INPP5A: variants seen among roughly 807,000 people sequenced by gnomAD.
The protein encoded by INPP5A is inositol polyphosphate-5-phosphatase A, also known as 43 kDa inositol polyphosphate 5-phophatase.
INPP5A carries 14 observed loss-of-function variants against 65.2 expected under a neutral mutation model. That is an observed-to-expected ratio of 0.21 (90% confidence interval 0.14 to 0.34). The LOEUF is 0.34. Ranked by LOEUF, INPP5A falls within the 10% of genes least tolerant of loss-of-function variation. The pLI is 1.00. For missense variants in INPP5A, 431 were observed against 545.6 expected (o/e 0.79, Z 2.09); for synonymous variants, 207 against 208.3 (o/e 0.99, Z 0.05).
At chr10:132,608,347 G>A (rs557624553) in intron 2 of INPP5A, among the ~76,000 whole-genome samples, 149 of 152,390 alleles carry the variant, frequency 9.8e-4, no homozygotes, top group African/African-American at 3.4e-3. Flanking sequence ...CGCACTCTGT[G>A]CAGAGAGTGG....
chr10:132,546,546 C>T lies in INPP5A; in HGVS notation c.75+8375C>T, dbSNP rs534408586. On this transcript the variant is annotated intron_variant, in intron 1 of 15. Coordinates refer to ENST00000368594, the MANE Select transcript of INPP5A (RefSeq NM_005539.5). The surrounding 1 kb of genome is among the most constrained non-coding windows in gnomAD (Gnocchi z 5.7). ...GCTGTGTCGGGGGGCCGTGCTCCCC[C>T]TTCTCTCTTGGAAGGTGTAAGGGCT... 4.1e-4 allele frequency among the ~76,000 whole-genome samples: 62 copies of T among 152,242 alleles called. No homozygotes were observed. Among genetic ancestry groups the T allele is most frequent in the African/African-American group, 1.3e-3 (53 of 41,552 alleles).
At chr10:132,619,290 C>T (rs2072081940) in intron 2 of INPP5A, among the ~76,000 whole-genome samples, 1 of 152,144 alleles carries the variant, frequency 6.6e-6, no homozygotes, top group Non-Finnish European at 1.5e-5. Flanking sequence ...AGTTTGAAAC[C>T]CAGTAGGGCG....
intron 11 of INPP5A, among the ~76,000 whole-genome samples, chr10:132,763,564 CAA>C (rs1846771286): frequency 6.6e-6 from 1 of 152,028 alleles, no homozygotes; most frequent in Admixed American, 6.5e-5. Context: ...TGCCTGCATG[CAA>C]ACACACACAT....
intron 11 of INPP5A, among the ~76,000 whole-genome samples, chr10:132,752,526 A>C (rs1197924076): frequency 1.5e-5 from 1 of 65,000 alleles, no homozygotes; most frequent in Non-Finnish European, 3.1e-5. Flanking sequence ...GGCGTGGAGG[A>C]GGTGTGGCGT....
intron 1 of INPP5A, among the ~76,000 whole-genome samples, chr10:132,607,611 G>A (rs1176719282): frequency 6.6e-6 from 1 of 152,252 alleles, no homozygotes; most frequent in Non-Finnish European, 1.5e-5. Flanking sequence ...GGAGGCTGGA[G>A]CAACACAGAG....
intron 9 of INPP5A, among the ~76,000 whole-genome samples, chr10:132,737,706 G>A (rs1028875269): frequency 5.3e-5 from 8 of 152,328 alleles, no homozygotes; most frequent in Admixed American, 1.3e-4. Flanking sequence ...CGTGCTGCTC[G>A]GTTCACTCAC....
chr10:132,645,350 C>G (rs1160653846), intron 2 of INPP5A, among the ~76,000 whole-genome samples: 1 of 152,136 alleles, frequency 6.6e-6, no homozygotes, highest in Admixed American at 6.5e-5. Flanking sequence ...CGGCGGAGTG[C>G]CTGGCTCCTA....
Position 132,575,127 on chromosome 10 carries a change from A to G in INPP5A, c.76-32788A>G, listed in dbSNP as rs368389279. ...ACAGGTGACAGGTGACCCAGCCTTC[A>G]GGCTCCCTGTCCAGCCGCTGGGACT... On this transcript the variant is annotated intron_variant, in intron 1 of 15. Transcript: ENST00000368594. This position sits in a 1 kb window ranked among gnomAD's most constrained non-coding sequence, Gnocchi z 5.4. 2.6e-5 allele frequency among the ~76,000 whole-genome samples: 4 copies of G among 152,196 alleles called. No individual in the cohort carries two copies. The East Asian group carries it at 5.8e-4, about 22-fold the overall frequency.
intron 4 of INPP5A, among the ~76,000 whole-genome samples, chr10:132,689,003 G>T (rs1845206938): frequency 6.6e-6 from 1 of 152,130 alleles, no homozygotes; most frequent in African/African-American, 2.4e-5. Context: ...GTGAGTGCCT[G>T]TGAGTGCTTG....
intron 12 of INPP5A, among the ~76,000 whole-genome samples, chr10:132,770,611 C>CT (rs1400014953): frequency 6.6e-6 from 1 of 152,270 alleles, no homozygotes; most frequent in African/African-American, 2.4e-5. Flanking sequence ...CTTCCAGCTA[C>CT]TGAGGACCCT....
chr10:132,761,426 C>T (rs1248086797), intron 11 of INPP5A, among the ~76,000 whole-genome samples: 5 of 152,200 alleles, frequency 3.3e-5, no homozygotes. Context: ...AGACACATCC[C>T]TGCCATGGAG....
At chr10:132,691,391 T>C (rs995958877) in intron 5 of INPP5A, among the ~76,000 whole-genome samples, 3 of 152,062 alleles carry the variant, frequency 2.0e-5, no homozygotes, top group African/African-American at 7.2e-5. Flanking sequence ...TCCGCTCCGT[T>C]TTGGAGACAC....
intron 2 of INPP5A, among the ~76,000 whole-genome samples, chr10:132,626,333 C>T (rs1590876934): frequency 6.6e-6 from 1 of 152,236 alleles, no homozygotes; most frequent in Admixed American, 6.5e-5. Context: ...CCGGGACACA[C>T]GCCTTCATTC....
At chr10:132,775,098 AGACAGGCAGGGAGGAGGGGCAGGGAG>A in intron 12 of INPP5A, among the ~76,000 whole-genome samples, 1 of 5,508 alleles carries the variant, frequency 1.8e-4, no homozygotes. Context: ...CAGGGAGGAG[AGACAGGCAGGGAGGAGGGGCAGGGAG>A]GAGGGGCAGG....
chr10:132,595,589 G>A (rs918368944), intron 1 of INPP5A, among the ~76,000 whole-genome samples: 1 of 152,164 alleles, frequency 6.6e-6, no homozygotes, highest in Non-Finnish European at 1.5e-5. Context: ...TGGTGAGTGT[G>A]TAGTTCAGTG....
chr10:132,712,234 C>G (rs1261785591), intron 8 of INPP5A, among the ~76,000 whole-genome samples: 1 of 151,700 alleles, frequency 6.6e-6, no homozygotes, highest in Non-Finnish European at 1.5e-5. Flanking sequence ...TGAGTGTGCA[C>G]ACCTTGTGTG....
At position 132,651,102 on chromosome 10, in the gene INPP5A, C is replaced by T. The variant is rs2072570714; in HGVS notation, c.306+597C>T. On this transcript the variant is annotated intron_variant, in intron 4 of 15. Coordinates refer to ENST00000368594, the MANE Select transcript of INPP5A (RefSeq NM_005539.5). The surrounding 1 kb of genome is among the most constrained non-coding windows in gnomAD (Gnocchi z 5.0). The stretch of plus-strand genomic sequence containing the variant: ...GGTGGACGTGGCAGCCACAGAGATA[C>T]AGGCACCAGGTGTCTGGGAAGGGGC... Among the ~76,000 whole-genome samples the T allele has an allele frequency of 6.6e-6, 1 of 152,196 alleles. No individual in the cohort carries two copies. The highest frequency in any genetic ancestry group is 1.9e-4 in the East Asian group (1 of 5,186).
intron 9 of INPP5A, among the ~76,000 whole-genome samples, chr10:132,745,765 G>C (rs1202576492): frequency 6.6e-6 from 1 of 150,440 alleles, no homozygotes; most frequent in Non-Finnish European, 1.5e-5. Context: ...CCTTGGGTAT[G>C]GTGGGCCCGG....
At position 132,602,282 on chromosome 10, in the gene INPP5A, A is replaced by G. The variant is rs144636420; in HGVS notation, c.76-5633A>G. ...AGTGTTGTTTGTGTGTTGATCTTAT[A>G]TCCTGCCACGTTGCTGAATTGCTGA... On this transcript the variant is annotated intron_variant, in intron 1 of 15. Coordinates refer to ENST00000368594, the MANE Select transcript of INPP5A (RefSeq NM_005539.5). 2.8e-3 allele frequency among the ~76,000 whole-genome samples: 422 copies of G among 152,182 alleles called. 1 individual carries two copies. The highest frequency in any genetic ancestry group is 9.5e-3 in the African/African-American group (394 of 41,522).
Sources: gnomAD v4.1 joint callset for allele counts (sites outside exome capture counted in the v4.1 genomes callset) on GRCh38, gnomAD v4.1.1 for gene constraint, Gnocchi (gnomAD v3.1) non-coding constraint, MANE v1.5 for transcripts, NCBI Gene and HGNC (gene_info 2026-07-23, HGNC 2026-07-21) for gene names.